The following LRRIQ1 variants were observed in gnomAD, a reference collection of about 807,000 sequenced individuals.
LRRIQ1 encodes leucine rich repeats and IQ motif containing 1, also known as leucine-rich repeat- and IQ domain-containing protein 1.
In LRRIQ1, 210 loss-of-function variants were observed where a neutral mutation model predicts 211.9. The observed-to-expected ratio is 0.99, with a 90% CI of 0.89 to 1.11. The LOEUF (loss-of-function observed/expected upper bound fraction) is 1.11, where lower values mean the gene tolerates loss of function less well. Ranked by LOEUF, LRRIQ1 falls within the 50% of genes most tolerant of loss-of-function variation. The pLI, the probability that LRRIQ1 is intolerant of heterozygous loss-of-function variation, is 0.00. For synonymous variants in LRRIQ1, 699 were observed against 650.1 expected, an observed-to-expected ratio of 1.08 and a Z score of -1.14; for missense variants, 2,136 against 1,939.5, an observed-to-expected ratio of 1.10 and a Z score of -1.90.
At chr12:85,165,758 C>T (rs142168623) in intron 24 of LRRIQ1, among the ~76,000 whole-genome samples, 298 of 152,186 alleles carry the variant, frequency 2.0e-3, no homozygotes, top group Admixed American at 4.0e-3. Flanking sequence ...CATGAGCCAC[C>T]GCGCCCGGCT....
At chr12:85,192,985 T>A (rs1892662973) in intron 24 of LRRIQ1, among the ~76,000 whole-genome samples, 1 of 71,694 alleles carries the variant, frequency 1.4e-5, no homozygotes, top group Admixed American at 2.4e-4. Flanking sequence ...AAATATATAA[T>A]TATATAATAT....
intron 13 of LRRIQ1, among the ~76,000 whole-genome samples, 182 bp downstream of exon 13, chr12:85,099,176 G>A (rs1039998305): frequency 6.6e-6 from 1 of 151,494 alleles, no homozygotes; most frequent in Admixed American, 6.6e-5. Flanking sequence ...TGAATTATTG[G>A]CATACCCTAA....
chr12:85,177,316 G>A (rs1005916959), intron 24 of LRRIQ1, among the ~76,000 whole-genome samples: 1 of 152,020 alleles, frequency 6.6e-6, no homozygotes, highest in African/African-American at 2.4e-5. Flanking sequence ...TCTCTATCTA[G>A]AAGCAGGGGT....
intron 19 of LRRIQ1, among the ~76,000 whole-genome samples, chr12:85,147,192 T>G (rs1288077334): frequency 6.6e-6 from 1 of 151,792 alleles, no homozygotes; most frequent in African/African-American, 2.4e-5. Context: ...AGCTGATGGA[T>G]AACCTAAAAG....
At chr12:85,235,321 T>G (rs1593007585) in intron 26 of LRRIQ1, among the ~76,000 whole-genome samples, 1 of 152,278 alleles carries the variant, frequency 6.6e-6, no homozygotes, top group Non-Finnish European at 1.5e-5. Flanking sequence ...ATAATTCAGG[T>G]TTCCCAGGAA....
chr12:85,191,423 A>G (rs1892504751), intron 24 of LRRIQ1, among the ~76,000 whole-genome samples: 1 of 151,962 alleles, frequency 6.6e-6, no homozygotes, highest in Non-Finnish European at 1.5e-5. Context: ...TGTGGTATAT[A>G]GCCTTTTCAG....
intron 11 of LRRIQ1, among the ~76,000 whole-genome samples, chr12:85,086,309 A>T (rs1013232878): frequency 6.6e-6 from 1 of 152,020 alleles, no homozygotes. Context: ...GTGGGGCCTG[A>T]TGGGAGGTGT....
At chr12:85,198,896 G>T (rs1243052875) in intron 24 of LRRIQ1, among the ~76,000 whole-genome samples, 1 of 152,072 alleles carries the variant, frequency 6.6e-6, no homozygotes, top group Non-Finnish European at 1.5e-5. Context: ...TATGTTTGTT[G>T]GCCGAATGTA....
intron 24 of LRRIQ1, among the ~76,000 whole-genome samples, chr12:85,221,151 T>G (rs905739130): frequency 1.3e-5 from 2 of 152,074 alleles, no homozygotes; most frequent in Non-Finnish European, 2.9e-5. Flanking sequence ...TTGTTAATTT[T>G]TATCCCAATC....
At chr12:85,133,475 C>G (rs1888913107) in intron 18 of LRRIQ1, among the ~76,000 whole-genome samples, 1 of 152,008 alleles carries the variant, frequency 6.6e-6, no homozygotes, top group South Asian at 2.1e-4. Context: ...TGTAATTCTT[C>G]CGAGGGTGTG....
chr12:85,080,123 T>G (rs927572518), intron 11 of LRRIQ1, among the ~76,000 whole-genome samples: 1 of 152,078 alleles, frequency 6.6e-6, no homozygotes, highest in African/African-American at 2.4e-5. Context: ...ATTTGAGGTA[T>G]AGACTTACCA....
chr12:85,257,819 A>G (rs915851257), intron 1 of LRRIQ1, among the ~76,000 whole-genome samples: 3 of 151,918 alleles, frequency 2.0e-5, no homozygotes, highest in African/African-American at 7.2e-5. Flanking sequence ...TGTAAGAATG[A>G]CAGAATTTAG....
At chr12:85,175,623 G>A (rs1379614481) in intron 24 of LRRIQ1, among the ~76,000 whole-genome samples, 1 of 152,044 alleles carries the variant, frequency 6.6e-6, no homozygotes, top group Non-Finnish European at 1.5e-5. Flanking sequence ...TTCTTCTAGG[G>A]TTTTTATGGT....
rs761303056 is a variant in LRRIQ1 at position 85,046,041 on chromosome 12, G to T, written c.358G>T (p.Glu120Ter). The T allele has an allele frequency of 2.5e-6, 4 of 1,607,542 alleles. No homozygotes were observed. In the Admixed American group the frequency reaches 6.7e-5, roughly 27 times the overall value. Residue 120 changes from glutamate (E) to a stop codon, truncating the protein, a stop_gained, in exon 5 of 27, where the codon GAA (glutamate) becomes TAA (stop). Transcript: ENST00000393217. LOFTEE classifies it high-confidence loss of function. ...LIKILSEIEKEEFMRSKTDCA... is the reference protein window; with the variant it reads ...LIKILSEIEK Reference sequence around the variant, plus strand: ...TTAGATATTATCTGAAATAGAAAAAGAAGAATTTATGAGAAGTAAAACCGA... The same window carrying T: ...TTAGATATTATCTGAAATAGAAAAATAAGAATTTATGAGAAGTAAAACCGA...
At chr12:85,226,539 T>C (rs1403113830) in intron 24 of LRRIQ1, among the ~76,000 whole-genome samples, 8 of 151,706 alleles carry the variant, frequency 5.3e-5, no homozygotes, top group African/African-American at 1.7e-4. Flanking sequence ...TCCTTTTTTT[T>C]TTTTTTTTTA....
intron 26 of LRRIQ1, among the ~76,000 whole-genome samples, chr12:85,241,333 A>T (rs1330539202): frequency 6.6e-6 from 1 of 152,094 alleles, no homozygotes; most frequent in African/African-American, 2.4e-5. Context: ...TATGTTATAT[A>T]ACAAGACATC....
At chr12:85,209,001 A>G (rs1393766668) in intron 24 of LRRIQ1, among the ~76,000 whole-genome samples, 2 of 152,164 alleles carry the variant, frequency 1.3e-5, no homozygotes, top group Admixed American at 6.5e-5. Context: ...AACTTAGACA[A>G]CTTTAAACTC....
intron 13 of LRRIQ1, among the ~76,000 whole-genome samples, chr12:85,099,878 A>G (rs1425003752): frequency 6.6e-6 from 1 of 151,800 alleles, no homozygotes; most frequent in East Asian, 1.9e-4. Flanking sequence ...ACCTATTACA[A>G]TTTGACATTG....
At chr12:85,090,891 A>G (rs1208720726) in intron 11 of LRRIQ1, among the ~76,000 whole-genome samples, 1 of 152,100 alleles carries the variant, frequency 6.6e-6, no homozygotes, top group African/African-American at 2.4e-5. Flanking sequence ...ATCTAAATAC[A>G]ACTTGGTTAT....
Sources: gnomAD v4.1 joint callset for allele counts (sites outside exome capture counted in the v4.1 genomes callset) on GRCh38, gnomAD v4.1.1 for gene constraint, MANE v1.5 for transcripts, NCBI Gene and HGNC (gene_info 2026-07-23, HGNC 2026-07-21) for gene names.